SLC25A18: variants seen among roughly 807,000 people sequenced by gnomAD.
The protein encoded by SLC25A18 is mitochondrial glutamate carrier 2.
In SLC25A18, 24 loss-of-function variants were observed where a neutral mutation model predicts 31.1. The observed-to-expected ratio is 0.77, with a 90% confidence interval of 0.56 to 1.08. The LOEUF (loss-of-function observed/expected upper bound fraction) is 1.08. Ranked by LOEUF, SLC25A18 falls within the 50% of genes least tolerant of loss-of-function variation. SLC25A18 has a pLI of 0.00. For synonymous variants in SLC25A18, 173 were observed against 161.9 expected, an observed-to-expected ratio of 1.07 and a Z score of -0.52; for missense variants, 371 against 418.5, an observed-to-expected ratio of 0.89 and a Z score of 0.99.
intron 2 of SLC25A18, among the ~76,000 whole-genome samples, chr22:17,578,136 A>T (rs1485132864): frequency 6.6e-6 from 1 of 151,208 alleles, no homozygotes; most frequent in Non-Finnish European, 1.5e-5. Context: ...ATGGCCAGCT[A>T]ATTTTTTGTA....
At chr22:17,564,550 A>G (rs2056882867) in intron 1 of SLC25A18, among the ~76,000 whole-genome samples, 1 of 151,756 alleles carries the variant, frequency 6.6e-6, no homozygotes, top group Admixed American at 6.6e-5. Context: ...TATATAAAGT[A>G]AAAAAAATTT....
intron 7 of SLC25A18, among the ~76,000 whole-genome samples, chr22:17,586,253 G>A (rs993880301): frequency 2.6e-5 from 4 of 152,186 alleles, no homozygotes; most frequent in East Asian, 1.9e-4. Flanking sequence ...GGTGGCTCAC[G>A]CCTGTAATCC....
chr22:17,569,249 C>T (rs2057026691), intron 1 of SLC25A18, among the ~76,000 whole-genome samples: 1 of 152,052 alleles, frequency 6.6e-6, no homozygotes. Context: ...ACCTCGTGAT[C>T]CGCCCGCCTC....
chr22:17,582,723 T>A (rs1382925563), intron 6 of SLC25A18, 70 bp downstream of exon 6: 3 of 1,372,620 alleles, frequency 2.2e-6, no homozygotes, highest in Non-Finnish European at 3.0e-6. Flanking sequence ...GGAAGAAGAT[T>A]TCAAATGTGC....
rs1985858347 is a variant in SLC25A18 at position 17,590,121 on chromosome 22, C to G, written c.833C>G (p.Ser278Cys). ...ARKLWIQEGP[S>C]AFMKGAGCRA... ...AAACTCTGGATTCAGGAGGGACCAT[C>G]TGCCTTCATGAAAGGCGCTGGCTGC... Residue 278 changes from serine (S) to cysteine (C), a missense_variant, in exon 11 of 11, where the codon TCT (serine) becomes TGT (cysteine). By Grantham distance (112) the Ser-to-Cys change is moderately radical. Coordinates refer to ENST00000327451, the MANE Select transcript of SLC25A18 (RefSeq NM_031481.3). The G allele has an allele frequency of 6.2e-7, 1 of 1,614,238 alleles. No homozygotes were observed. The highest frequency in any genetic ancestry group is 8.5e-7 in the Non-Finnish European group (1 of 1,180,050).
intron 1 of SLC25A18, among the ~76,000 whole-genome samples, chr22:17,568,523 T>C (rs2056998822): frequency 6.9e-6 from 1 of 144,872 alleles, no homozygotes; most frequent in Non-Finnish European, 1.5e-5. Flanking sequence ...ATATTGAGGC[T>C]AAACTGTGGG....
chr22:17,588,099 G>T lies in SLC25A18; in HGVS notation c.730+20G>T. 2 of 1,613,596 alleles carry T rather than the reference G, an allele frequency of 1.2e-6. No homozygotes were observed. Among genetic ancestry groups the T allele is most frequent in the Non-Finnish European group, 1.7e-6 (2 of 1,179,848 alleles). On this transcript the variant is annotated intron_variant, in intron 9 of 10. Coordinates refer to ENST00000327451, the MANE Select transcript of SLC25A18 (RefSeq NM_031481.3). ...TAGATGGTAAGGAGTTGGGAGACGT[G>T]TCCTTTCTATGGGATAAACAGTAAT...
intron 3 of SLC25A18, chr22:17,580,558 C>A: frequency 2.0e-6 from 2 of 990,134 alleles, no homozygotes; most frequent in East Asian, 1.1e-4. Context: ...GCATTCCCCC[C>A]CAGGCACGGT....
At chr22:17,580,187 T>A in intron 3 of SLC25A18, 2 of 440,912 alleles carry the variant, frequency 4.5e-6, no homozygotes, top group East Asian at 7.0e-5. Context: ...ATTGTTTGGG[T>A]TCATCTTCTC....
Position 17,590,242 on chromosome 22 carries a change from G to A in SLC25A18, c.*6G>A. ...TCTTAAAGTGTTTTGACTAGACAGA[G>A]CTGGAGGTCAAGTCCCTGCGCTTGC... On this transcript the variant is annotated 3_prime_UTR_variant, in exon 11 of 11. Transcript: ENST00000327451. The A allele has an allele frequency of 1.2e-6, 2 of 1,614,230 alleles. No homozygotes were observed. The highest frequency in any genetic ancestry group is 1.7e-6 in the Non-Finnish European group (2 of 1,180,040).
chr22:17,586,242 C>T (rs866998278), intron 7 of SLC25A18, among the ~76,000 whole-genome samples: 4 of 152,070 alleles, frequency 2.6e-5, no homozygotes, highest in Non-Finnish European at 5.9e-5. Flanking sequence ...AGGCTGGGTG[C>T]GGTGGCTCAC....
At chr22:17,576,607 A>G (rs1193529692) in intron 2 of SLC25A18, among the ~76,000 whole-genome samples, 1 of 152,166 alleles carries the variant, frequency 6.6e-6, no homozygotes, top group African/African-American at 2.4e-5. Context: ...GACTCCTTTC[A>G]TACCTTGCCT....
At chr22:17,565,736 G>A (rs2056919996) in intron 1 of SLC25A18, among the ~76,000 whole-genome samples, 1 of 152,076 alleles carries the variant, frequency 6.6e-6, no homozygotes, top group Admixed American at 6.6e-5. Context: ...GCATGATGGG[G>A]CATGCCTGTA....
At chr22:17,585,659 T>A (rs141603444) in intron 7 of SLC25A18, among the ~76,000 whole-genome samples, 1,751 of 148,062 alleles carry the variant, frequency 0.012, 21 homozygotes, top group East Asian at 0.022. Flanking sequence ...TATTTTTTTT[T>A]TTTTTTTGAG....
chr22:17,578,217 C>T (rs1289144851), intron 2 of SLC25A18, among the ~76,000 whole-genome samples: 2 of 151,946 alleles, frequency 1.3e-5, no homozygotes, highest in East Asian at 1.9e-4. Flanking sequence ...GCGATCCACC[C>T]GCCTCAGCCT....
At chr22:17,585,651 T>TTA (rs1491476479) in intron 7 of SLC25A18, among the ~76,000 whole-genome samples, 2,970 of 122,022 alleles carry the variant, frequency 0.024, 102 homozygotes, top group African/African-American at 0.11. Flanking sequence ...ATTATTATTA[T>TTA]TTTTTTTTTT....
intron 2 of SLC25A18, among the ~76,000 whole-genome samples, chr22:17,571,298 G>A (rs2057081454): frequency 6.6e-6 from 1 of 152,138 alleles, no homozygotes; most frequent in Non-Finnish European, 1.5e-5. Flanking sequence ...GCACAGAAGG[G>A]GAAGCCAGAG....
chr22:17,587,847 A>C, intron 8 of SLC25A18, 78 bp from the exon 9 acceptor site: 1 of 1,588,272 alleles, frequency 6.3e-7, no homozygotes, highest in Non-Finnish European at 8.6e-7. Context: ...CACAGCTCAC[A>C]GCAAAGCTCA....
intron 1 of SLC25A18, among the ~76,000 whole-genome samples, chr22:17,565,730 G>C (rs1438564592): frequency 6.6e-6 from 1 of 152,138 alleles, no homozygotes. Context: ...AGCCGGGCAT[G>C]ATGGGGCATG....
Sources: gnomAD v4.1 joint callset for allele counts (sites outside exome capture counted in the v4.1 genomes callset) on GRCh38, gnomAD v4.1.1 for gene constraint, MANE v1.5 for transcripts, NCBI Gene and HGNC (gene_info 2026-07-23, HGNC 2026-07-21) for gene names.